Variants in BRWD3 observed in about 807,000 individuals in gnomAD.
BRWD3 encodes the protein bromodomain and WD repeat domain containing 3.
In BRWD3, 10 loss-of-function variants were observed where a neutral mutation model predicts 149.7. The ratio of observed to expected loss-of-function variants is 0.07; its 90% CI spans 0.04 to 0.11. BRWD3 has a LOEUF of 0.11. Among genes scored for constraint, BRWD3 ranks in the 10% least tolerant of loss-of-function variants. The probability of loss-of-function intolerance (pLI) is 1.00; values close to 1 mark genes in which losing one functional copy is unlikely to be tolerated. For missense variants in BRWD3, 940 were observed against 1,373.2 expected (o/e 0.68, Z 4.99); for synonymous variants, 504 against 456.7 (o/e 1.10, Z -1.32).
rs1441890144 is a variant in BRWD3, at chrX:80,669,717, T to A, written c.*6892A>T. Reference sequence around the variant, plus strand: ...GCCAATACAAATTAACATGTTGTTATACAAATTCTAACTAGAATTGCAACA... The same window carrying A: ...GCCAATACAAATTAACATGTTGTTAAACAAATTCTAACTAGAATTGCAACA... On this transcript the variant is annotated 3_prime_UTR_variant, in exon 41 of 41. Transcript: ENST00000373275. 9.0e-6 allele frequency among the ~76,000 whole-genome samples: 1 copy of A among 111,716 alleles called. No individual in the cohort carries two copies. The highest frequency in any genetic ancestry group is 1.9e-5 in the Non-Finnish European group (1 of 53,112).
chrX:80,685,597 T>G, intron 35 of BRWD3, 61 bp from the exon 36 acceptor site: 1 of 887,036 alleles, frequency 1.1e-6, no homozygotes, highest in South Asian at 2.1e-5. Flanking sequence ...TCAAGACGTG[T>G]AATACAATTA....
chrX:80,686,753 A>G, intron 35 of BRWD3, 110 bp downstream of exon 35: 2 of 825,442 alleles, frequency 2.4e-6, no homozygotes, highest in Admixed American at 2.7e-5. Context: ...AAAAGACTGG[A>G]AAAAAAGAAA....
chrX:80,760,523 A>T (rs2073791349), intron 6 of BRWD3, among the ~76,000 whole-genome samples: 1 of 112,249 alleles, frequency 8.9e-6, no homozygotes, highest in African/African-American at 3.2e-5. Context: ...AAAAAGGCAC[A>T]GGAAAATGCC....
chrX:80,748,167 T>C (rs1019191647), intron 6 of BRWD3, among the ~76,000 whole-genome samples: 1 of 111,083 alleles, frequency 9.0e-6, no homozygotes, highest in African/African-American at 3.3e-5. Flanking sequence ...CTATACCTCT[T>C]ATGTTGAGAT....
At chrX:80,766,500 T>A (rs1197461575) in intron 6 of BRWD3, among the ~76,000 whole-genome samples, 1 of 111,890 alleles carries the variant, frequency 8.9e-6, no homozygotes, top group Non-Finnish European at 1.9e-5. Flanking sequence ...TTTCACTACA[T>A]ATGCACAAGA....
At chrX:80,792,119 A>G (rs1303195612) in intron 5 of BRWD3, among the ~76,000 whole-genome samples, 167 bp from the exon 6 acceptor site, 3 of 112,608 alleles carry the variant, frequency 2.7e-5, no homozygotes, top group African/African-American at 9.7e-5. Context: ...AACTAAATTT[A>G]TAACTGGTAA....
At chrX:80,773,479 C>T (rs997150637) in intron 6 of BRWD3, among the ~76,000 whole-genome samples, 1 of 111,400 alleles carries the variant, frequency 9.0e-6, no homozygotes, top group Non-Finnish European at 1.9e-5. Context: ...TCAGTTCTAG[C>T]CCTTACTATG....
In BRWD3 at chrX:80,703,593, T is replaced by C. The variant is rs1431663937; in HGVS notation, c.2722A>G (p.Lys908Glu). 8.5e-7 allele frequency: 1 copy of C among 1,171,437 alleles called. No individual in the cohort carries two copies. Among genetic ancestry groups the C allele is most frequent in the African/African-American group, 1.8e-5 (1 of 56,919 alleles). The change falls in exon 24 of 41, where the codon AAA becomes GAA. Residue 908 changes from lysine to glutamate, a missense_variant and splice_region_variant. By Grantham distance (56) the Lys-to-Glu change is moderately conservative. This residue lies in a region of BRWD3 where 158 missense variants were observed against 284.0 expected (regional missense o/e 0.56). Transcript: ENST00000373275. Reference sequence around the variant, plus strand: ...CCTGCTATAGAAACCAGTCCTCCTTTCTAAAACATAAATACACGAAAAGTA... The same window carrying C: ...CCTGCTATAGAAACCAGTCCTCCTTCCTAAAACATAAATACACGAAAAGTA... Reference protein sequence around the residue: ...QKKPKQTRKKKGGLVSIAGEP... With the variant: ...QKKPKQTRKKEGGLVSIAGEP...
chrX:80,720,441 T>C (rs1414736731), intron 17 of BRWD3, among the ~76,000 whole-genome samples: 1 of 111,623 alleles, frequency 9.0e-6, no homozygotes, highest in Non-Finnish European at 1.9e-5. Flanking sequence ...ACAATAAAAA[T>C]TTTAAAAATA....
At chrX:80,710,848 C>T (rs775939526) in intron 20 of BRWD3, 2 of 288,292 alleles carry the variant, frequency 6.9e-6, no homozygotes, top group East Asian at 1.5e-4. Context: ...TCTAAGCAAC[C>T]TCACTAAAAC....
chrX:80,677,529 AT>A (rs770991642), intron 40 of BRWD3, among the ~76,000 whole-genome samples, 166 bp from the exon 41 acceptor site: 1 of 111,859 alleles, frequency 8.9e-6, no homozygotes, highest in African/African-American at 3.2e-5. Flanking sequence ...TAAAGTGTTT[AT>A]TTTTGTCTGC....
At chrX:80,801,808 G>T (rs963999776) in intron 4 of BRWD3, among the ~76,000 whole-genome samples, 1 of 110,837 alleles carries the variant, frequency 9.0e-6, no homozygotes, top group Non-Finnish European at 1.9e-5. Context: ...ACTCCAGCCT[G>T]GGTCACAGAG....
chrX:80,692,546 C>T (rs761652426), intron 28 of BRWD3, among the ~76,000 whole-genome samples: 4 of 111,902 alleles, frequency 3.6e-5, no homozygotes, highest in East Asian at 5.6e-4. Flanking sequence ...AGAATTCATA[C>T]GACTAAACAA....
rs2072333250 is a variant in BRWD3 at position 80,672,742 on chromosome X, T to C, written c.*3867A>G. 1 of 111,643 alleles carries C rather than the reference T, an allele frequency of 9.0e-6. No homozygotes were observed. The highest frequency in any genetic ancestry group is 1.9e-5 in the Non-Finnish European group (1 of 53,113). 9.2% of individuals were successfully genotyped at this position (111,643 alleles called of 1,213,427 possible). On this transcript the variant is annotated 3_prime_UTR_variant, in exon 41 of 41. Coordinates refer to ENST00000373275, the MANE Select transcript of BRWD3 (RefSeq NM_153252.5). Reference sequence around the variant, plus strand: ...AGCATTTAAAACAATGGACTTTACATGTCGAAAGTTCCATCCCTTCCCCTA... The same window carrying C: ...AGCATTTAAAACAATGGACTTTACACGTCGAAAGTTCCATCCCTTCCCCTA...
At chrX:80,728,272 C>T (rs1437944749) in intron 14 of BRWD3, among the ~76,000 whole-genome samples, 2 of 111,387 alleles carry the variant, frequency 1.8e-5, no homozygotes, top group Non-Finnish European at 3.8e-5. Context: ...GCTATTAATC[C>T]TTTCAACTTT....
intron 14 of BRWD3, among the ~76,000 whole-genome samples, 193 bp downstream of exon 14, chrX:80,728,559 C>T (rs2073282160): frequency 9.0e-6 from 1 of 111,463 alleles, no homozygotes; most frequent in Non-Finnish European, 1.9e-5. Context: ...GAAAAGATTT[C>T]ATACTTGCTT....
At chrX:80,807,088 C>T (rs1013360594) in intron 4 of BRWD3, among the ~76,000 whole-genome samples, 3 of 112,167 alleles carry the variant, frequency 2.7e-5, no homozygotes, top group African/African-American at 6.5e-5. Flanking sequence ...AAACCTGTAT[C>T]AGTCATTAAG....
chrX:80,808,992 C>A (rs1375445533), intron 3 of BRWD3, 21 bp downstream of exon 3: 1 of 1,196,595 alleles, frequency 8.4e-7, no homozygotes. Flanking sequence ...CCTCCCCACC[C>A]TTCCCGAAGG....
chrX:80,800,550 A>AAAATAC (rs1355547640), intron 4 of BRWD3, among the ~76,000 whole-genome samples: 1 of 108,553 alleles, frequency 9.2e-6, no homozygotes, highest in African/African-American at 3.4e-5. Context: ...AAAAAAAAAA[A>AAAATAC]AAATACAAAT....
Sources: gnomAD v4.1 joint callset for allele counts (sites outside exome capture counted in the v4.1 genomes callset) on GRCh38, gnomAD v4.1.1 for gene constraint, gnomAD v4.1.1 regional missense constraint, MANE v1.5 for transcripts, NCBI Gene and HGNC (gene_info 2026-07-23, HGNC 2026-07-21) for gene names.